NDRG4: variants seen among roughly 807,000 people sequenced by gnomAD.
NDRG4 encodes the protein NDRG family member 4.
In NDRG4, 38 loss-of-function variants were observed where a neutral mutation model predicts 55.8. The ratio of observed to expected loss-of-function variants is 0.68; its 90% CI spans 0.53 to 0.89. The LOEUF (loss-of-function observed/expected upper bound fraction) is 0.89. NDRG4 is among the 40% of genes least tolerant of loss of function. NDRG4 has a pLI of 0.00. For synonymous variants in NDRG4, 190 were observed against 182.7 expected, an observed-to-expected ratio of 1.04 and a Z score of -0.32; for missense variants, 455 against 468.6, an observed-to-expected ratio of 0.97 and a Z score of 0.27.
At chr16:58,509,644 C>T (rs1195696054) in intron 13 of NDRG4, among the ~76,000 whole-genome samples, 1 of 152,304 alleles carries the variant, frequency 6.6e-6, no homozygotes, top group South Asian at 2.1e-4. Context: ...CTCTTCCTTC[C>T]GTGCTGGGGG....
At chr16:58,481,922 T>C (rs1229619346) in intron 1 of NDRG4, among the ~76,000 whole-genome samples, 1 of 152,154 alleles carries the variant, frequency 6.6e-6, no homozygotes, top group Non-Finnish European at 1.5e-5. Context: ...AGTTGGAAGG[T>C]GATTCCCCAA....
At chr16:58,514,512 G>A (rs2039057225), downstream of NDRG4, among the ~76,000 whole-genome samples, 1 of 152,042 alleles carries the variant, frequency 6.6e-6, no homozygotes, top group Admixed American at 6.6e-5. Flanking sequence ...CGAGGCGGGG[G>A]GATTGCCTGA....
At chr16:58,509,683 G>C (rs915245048) in intron 13 of NDRG4, among the ~76,000 whole-genome samples, 2 of 152,196 alleles carry the variant, frequency 1.3e-5, no homozygotes, top group Non-Finnish European at 2.9e-5. Flanking sequence ...GTCCTGCCAG[G>C]GAAGCCTGTC....
At chr16:58,494,973 G>A (rs201774839) in exon 3 of NDRG4, 36 of 1,613,610 alleles carry the variant, frequency 2.2e-5, no homozygotes, top group East Asian at 1.6e-4. Context: ...GGAGAGCTCC[G>A]ATGCCTTCCT....
chr16:58,467,503 T>C (rs1379513619), intron 1 of NDRG4, among the ~76,000 whole-genome samples: 1 of 151,588 alleles, frequency 6.6e-6, no homozygotes, highest in East Asian at 1.9e-4. Flanking sequence ...CAAGACTCTG[T>C]CTCAAAAAAA....
At chr16:58,505,769 T>A (rs1288967404) in intron 5 of NDRG4, among the ~76,000 whole-genome samples, 1 of 127,572 alleles carries the variant, frequency 7.8e-6, no homozygotes, top group African/African-American at 3.0e-5. Context: ...TCGTCCAGGC[T>A]GGAGTGCAGT....
chr16:58,509,425 G>A (rs1376607008), intron 13 of NDRG4, 73 bp downstream of exon 13: 1 of 1,529,428 alleles, frequency 6.5e-7, no homozygotes, highest in Non-Finnish European at 9.0e-7. Flanking sequence ...TGGGGCTCCT[G>A]TTTGCAGGGC....
intron 1 of NDRG4, among the ~76,000 whole-genome samples, chr16:58,484,315 G>A (rs2034817829): frequency 6.6e-6 from 1 of 152,172 alleles, no homozygotes; most frequent in African/African-American, 2.4e-5. Context: ...AGAGGCTGCA[G>A]TGAGCTGAGA....
rs547018340 is a variant in NDRG4 at position 58,503,970 on chromosome 16, A to AC, written c.127+70dup. On this transcript the variant is annotated intron_variant, in intron 2 of 14. Coordinates refer to ENST00000570248, the MANE Select transcript of NDRG4 (RefSeq NM_001242835.2). ...ATCAGCCAGAGCGGTGAGGCCCCCC[A>AC]CCCTCCCCACAGGGCCCTGTCAGCC... 118 of 1,515,398 alleles carry AC rather than the reference A, an allele frequency of 7.8e-5. No homozygotes were observed. In the African/African-American group the frequency reaches 1.5e-3, roughly 19 times the overall value. 93.9% of individuals were successfully genotyped at this position (1,515,398 alleles called of 1,614,324 possible). A position where few individuals can be genotyped will look rare whatever the true frequency, so the allele number is the denominator to read the frequency against.
chr16:58,508,216 G>A (rs1390653251), intron 10 of NDRG4, among the ~76,000 whole-genome samples: 2 of 152,220 alleles, frequency 1.3e-5, no homozygotes, highest in African/African-American at 4.8e-5. Context: ...AATGGGGAGA[G>A]CTGGGGCCAG....
At chr16:58,503,994 C>A in intron 2 of NDRG4, 91 bp downstream of exon 2, 2 of 1,530,882 alleles carry the variant, frequency 1.3e-6, no homozygotes, top group Non-Finnish European at 1.8e-6. Context: ...GCCCTGTCAG[C>A]CCCACTCACA....
At position 58,464,589 on chromosome 16, in the gene NDRG4, T is replaced by G; in HGVS notation, c.-24+792T>G. The G allele has an allele frequency of 9.8e-7, 1 of 1,016,250 alleles. No individual in the cohort carries two copies. Among genetic ancestry groups the G allele is most frequent in the Non-Finnish European group, 1.3e-6 (1 of 775,294 alleles). 63.0% of individuals were successfully genotyped at this position (1,016,250 alleles called of 1,614,324 possible). On this transcript the variant is annotated intron_variant, in intron 1 of 15. Coordinates refer to the NDRG4 transcript ENST00000258187. This position sits in a 1 kb window ranked among gnomAD's most constrained non-coding sequence, Gnocchi z 4.8. ...GGAAGGGGTGCGGACCCCAACTAAGTCCTAGTTTTGTGCTACCTGTTTGTG... is the reference window on the plus strand; with the variant it reads ...GGAAGGGGTGCGGACCCCAACTAAGGCCTAGTTTTGTGCTACCTGTTTGTG...
chr16:58,510,907 C>G (rs767037791), intron 14 of NDRG4: 1 of 592,722 alleles, frequency 1.7e-6, no homozygotes, highest in Non-Finnish European at 3.0e-6. Flanking sequence ...TCATGAGCTG[C>G]GTGGCTTCCA....
At chr16:58,506,760 A>G in intron 7 of NDRG4, 146 bp downstream of exon 7, 2 of 1,179,144 alleles carry the variant, frequency 1.7e-6, no homozygotes, top group Middle Eastern at 2.3e-4. Context: ...TCCCCTCCCA[A>G]GGCCCCACAC....
upstream of NDRG4, among the ~76,000 whole-genome samples, chr16:58,498,671 G>A (rs964073856): frequency 6.6e-6 from 1 of 152,188 alleles, no homozygotes; most frequent in African/African-American, 2.4e-5. Context: ...GGGTATCTGG[G>A]GAGCAGGACA....
chr16:58,510,888 T>C, intron 14 of NDRG4: 1 of 608,828 alleles, frequency 1.6e-6, no homozygotes, highest in East Asian at 2.8e-5. Context: ...CAGTCTTGCT[T>C]CTAGGTTGTC....
chr16:58,512,503 A>G lies in NDRG4; in HGVS notation c.*927A>G. The G allele has an allele frequency of 4.2e-6, 1 of 236,292 alleles. No homozygotes were observed. The highest frequency in any genetic ancestry group is 8.5e-6 in the Non-Finnish European group (1 of 118,160). The allele number at this position is 236,292 out of a possible 1,614,324, so 14.6% of individuals were successfully genotyped here. ...CCCAGAGGGCAACGCCATCAGTAGCAGTGTGGTGTTTCAGGCAGAGCTCTG... is the reference window on the plus strand; with the variant it reads ...CCCAGAGGGCAACGCCATCAGTAGCGGTGTGGTGTTTCAGGCAGAGCTCTG... On this transcript the variant is annotated 3_prime_UTR_variant, in exon 15 of 15. Coordinates refer to ENST00000570248, the MANE Select transcript of NDRG4 (RefSeq NM_001242835.2).
chr16:58,496,384 C>G (rs2036414756), upstream of NDRG4, among the ~76,000 whole-genome samples: 1 of 152,106 alleles, frequency 6.6e-6, no homozygotes, highest in Non-Finnish European at 1.5e-5. Flanking sequence ...ACCTTCCTGT[C>G]CACTCCTGTC....
chr16:58,487,615 GT>G (rs1470638773), intron 1 of NDRG4: 4 of 570,936 alleles, frequency 7.0e-6, no homozygotes, highest in Non-Finnish European at 1.2e-5. Context: ...GGGGCCCTAA[GT>G]GCCTGAGTGG....
Sources: allele counts gnomAD v4.1 joint callset (sites outside exome capture counted in the v4.1 genomes callset), GRCh38; gene constraint gnomAD v4.1.1; non-coding constraint Gnocchi (gnomAD v3.1); transcripts MANE v1.5; gene names NCBI Gene and HGNC (gene_info 2026-07-23, HGNC 2026-07-21).